NOG: variants seen among roughly 807,000 people sequenced by gnomAD.
NOG encodes the protein noggin.
NOG carries 2 observed loss-of-function variants against 17.9 expected under a neutral mutation model. The observed-to-expected ratio is 0.11, with a 90% confidence interval of 0.05 to 0.35. The LOEUF (loss-of-function observed/expected upper bound fraction) is 0.35, where lower values mean the gene tolerates loss of function less well. NOG is among the 10% of genes least tolerant of loss of function. NOG has a pLI of 1.00. For synonymous variants in NOG, 166 were observed against 148.7 expected, an observed-to-expected ratio of 1.12 and a Z score of -0.85; for missense variants, 266 against 318.6, an observed-to-expected ratio of 0.83 and a Z score of 1.26.
In NOG at chr17:56,595,489, G is replaced by C. The variant is rs116716909; in HGVS notation, c.*567G>C. The C allele has an allele frequency of 0.033, 5,537 of 167,198 alleles. 318 individuals carry two copies. Among genetic ancestry groups the C allele is most frequent in the African/African-American group, 0.12 (5,145 of 41,526 alleles). 10.4% of individuals were successfully genotyped at this position (167,198 alleles called of 1,614,324 possible). A position where few individuals can be genotyped will look rare whatever the true frequency, so the allele number is the denominator to read the frequency against. On this transcript the variant is annotated 3_prime_UTR_variant, in exon 1 of 1. Transcript: ENST00000332822. ...TTATTTTACAGTTATTGTAAATATA[G>C]AGAACAAATGGAATGACTAATCATT...
At position 56,594,602 on chromosome 17, in the gene NOG, G is replaced by C. The variant is rs1328705140; in HGVS notation, c.379G>C (p.Glu127Gln). Reference protein sequence around the residue: ...PSEIKGLEFSEGLAQGKKQRL... With the variant: ...PSEIKGLEFSQGLAQGKKQRL... Reference sequence around the variant, plus strand: ...CGAGATCAAAGGGCTAGAGTTCTCCGAGGGCTTGGCCCAGGGCAAGAAGCA... The same window carrying C: ...CGAGATCAAAGGGCTAGAGTTCTCCCAGGGCTTGGCCCAGGGCAAGAAGCA... The change falls in exon 1 of 1, where the codon GAG (glutamate) becomes CAG (glutamine). Residue 127 changes from glutamate to glutamine, a missense_variant. Glu to Gln is a conservative substitution (Grantham distance 29). This residue lies in a region of NOG where 192 missense variants were observed against 197.6 expected (regional missense o/e 0.97). Coordinates refer to ENST00000332822, the MANE Select transcript of NOG (RefSeq NM_005450.6). The C allele has an allele frequency of 2.5e-6, 4 of 1,611,980 alleles. No homozygotes were observed. Among genetic ancestry groups the C allele is most frequent in the South Asian group, 1.1e-5 (1 of 90,626 alleles).
At position 56,594,186 on chromosome 17, in the gene NOG, G is replaced by A; in HGVS notation, c.-38G>A. On this transcript the variant is annotated 5_prime_UTR_variant, in exon 1 of 1. Transcript: ENST00000332822. Reference sequence around the variant, plus strand: ...GCTCGGCGTGCTCTCCTCCGGGGACGCGGGACGAAGCAGCAGCCCCGGGCG... The same window carrying A: ...GCTCGGCGTGCTCTCCTCCGGGGACACGGGACGAAGCAGCAGCCCCGGGCG... The A allele has an allele frequency of 6.6e-7, 1 of 1,517,574 alleles. No homozygotes were observed. The highest frequency in any genetic ancestry group is 8.9e-7 in the Non-Finnish European group (1 of 1,127,050). 94.0% of individuals were successfully genotyped at this position (1,517,574 alleles called of 1,614,324 possible). A position where few individuals can be genotyped will look rare whatever the true frequency, so the allele number is the denominator to read the frequency against.
chr17:56,594,881 A>G lies in NOG; in HGVS notation c.658A>G (p.Ile220Val). 3.1e-6 allele frequency: 5 copies of G among 1,601,050 alleles called. No individual in the cohort carries two copies. Among genetic ancestry groups the G allele is most frequent in the Non-Finnish European group, 4.3e-6 (5 of 1,173,834 alleles). The change falls in exon 1 of 1, where the codon ATC becomes GTC. Residue 220 changes from isoleucine (I) to valine (V), a missense_variant. By Grantham distance (29) the Ile-to-Val change is conservative. Transcript: ENST00000332822. Reference sequence around the variant, plus strand: ...GGGCCAGCGCTGCGGCTGGATTCCCATCCAGTACCCCATCATTTCCGAGTG... The same window carrying G: ...GGGCCAGCGCTGCGGCTGGATTCCCGTCCAGTACCCCATCATTTCCGAGTG... ...RGGQRCGWIP[I>V]QYPIISECKC...
rs1357240545 is a variant in NOG at position 56,594,703 on chromosome 17, G to A, written c.480G>A (p.Ala160=). 6.2e-7 allele frequency: 1 copy of A among 1,613,890 alleles called. No individual in the cohort carries two copies. Among genetic ancestry groups the A allele is most frequent in the Non-Finnish European group, 8.5e-7 (1 of 1,179,940 alleles). ...AGACATTCTGCCCCGTGCTGTACGC[G>A]TGGAACGACCTGGGCAGCCGCTTTT... ...WSQTFCPVLY[A]WNDLGSRFWP... Residue 160 remains alanine (A), a synonymous_variant, in exon 1 of 1, where the codon GCG becomes GCA. Transcript: ENST00000332822.
rs749247710 is a variant in NOG, at chr17:56,594,469, G to GC, written c.252dup (p.Glu85ArgfsTer97). The GC allele has an allele frequency of 6.2e-7, 1 of 1,612,158 alleles. No individual in the cohort carries two copies. ...ACGACCCAGGCTTCATGGCCACCTC[G>GC]CCCCCCGAGGACCGGCCCGGCGGGG... On this transcript the variant is annotated frameshift_variant, in exon 1 of 1. Transcript: ENST00000332822. LOFTEE classifies it high-confidence loss of function.
In NOG at chr17:56,593,749, C is replaced by T. The variant is rs1181977678; in HGVS notation, c.-475C>T. 3 of 181,772 alleles carry T rather than the reference C, an allele frequency of 1.7e-5. No individual in the cohort carries two copies. The highest frequency in any genetic ancestry group is 1.8e-4 in the East Asian group (1 of 5,626). The allele number at this position is 181,772 out of a possible 1,614,324, so 11.3% of individuals were successfully genotyped here. A position where few individuals can be genotyped will look rare whatever the true frequency, so the allele number is the denominator to read the frequency against. On this transcript the variant is annotated 5_prime_UTR_variant, in exon 1 of 1. Transcript: ENST00000332822. The stretch of plus-strand genomic sequence containing the variant: ...CCGCCGCCGCCGCCGCCGCTGGAGT[C>T]CGCCGGGCAGAGCCGGCCGCGGAGC...
Position 56,594,779 on chromosome 17 carries a change from G to A in NOG, c.556G>A (p.Val186Met). The change falls in exon 1 of 1, where the codon GTG becomes ATG. Residue 186 changes from valine (V) to methionine (M), a missense_variant. By Grantham distance (21) the Val-to-Met change is conservative (BLOSUM62 1). This residue lies in a region of NOG where 74 missense variants were observed against 121.0 expected (regional missense o/e 0.61). Coordinates refer to ENST00000332822, the MANE Select transcript of NOG (RefSeq NM_005450.6). ...GSCFSKRSCS[V>M]PEGMVCKPSK... ...CTGCTTCAGTAAGCGCTCGTGCTCC[G>A]TGCCCGAGGGCATGGTGTGCAAGCC... 4.3e-6 allele frequency: 7 copies of A among 1,613,120 alleles called. No homozygotes were observed. Among genetic ancestry groups the A allele is most frequent in the Non-Finnish European group, 5.1e-6 (6 of 1,179,368 alleles).
At position 56,593,941 on chromosome 17, in the gene NOG, C is replaced by G; in HGVS notation, c.-283C>G. On this transcript the variant is annotated 5_prime_UTR_variant, in exon 1 of 1. Transcript: ENST00000332822. ...GCGAGGAGCCGGCGCCTCCCGCGCC[C>G]CGCGGTCGCCCTGGAGTAATTTCGG... The G allele has an allele frequency of 2.6e-6, 1 of 384,574 alleles. No individual in the cohort carries two copies. The highest frequency in any genetic ancestry group is 4.6e-6 in the Non-Finnish European group (1 of 217,086). 23.8% of individuals were successfully genotyped at this position (384,574 alleles called of 1,614,324 possible). A position where few individuals can be genotyped will look rare whatever the true frequency, so the allele number is the denominator to read the frequency against.
Position 56,594,865 on chromosome 17 carries a change from C to G in NOG, c.642C>G (p.Arg214=). 6.2e-7 allele frequency: 1 copy of G among 1,606,134 alleles called. No individual in the cohort carries two copies. ...RWRCQRRGGQ[R]CGWIPIQYPI... ...GCTGTCAGCGGCGCGGGGGCCAGCG[C>G]TGCGGCTGGATTCCCATCCAGTACC... Residue 214 remains arginine, a synonymous_variant, in exon 1 of 1, where the codon CGC becomes CGG. Transcript: ENST00000332822.
chr17:56,594,766 G>A lies in NOG; in HGVS notation c.543G>A (p.Lys181=). The A allele has an allele frequency of 6.2e-7, 1 of 1,613,734 alleles. No homozygotes were observed. The highest frequency in any genetic ancestry group is 8.5e-7 in the Non-Finnish European group (1 of 1,179,762). The change falls in exon 1 of 1, where the codon AAG becomes AAA. Residue 181 remains lysine, a synonymous_variant. Coordinates refer to ENST00000332822, the MANE Select transcript of NOG (RefSeq NM_005450.6). ...RYVKVGSCFS[K]RSCSVPEGMV... is the part of the protein sequence containing the mutation. ...TGAAGGTGGGCAGCTGCTTCAGTAA[G>A]CGCTCGTGCTCCGTGCCCGAGGGCA...
rs898858582 is a variant in NOG, at chr17:56,595,256, G to A, written c.*334G>A. On this transcript the variant is annotated 3_prime_UTR_variant, in exon 1 of 1. Coordinates refer to ENST00000332822, the MANE Select transcript of NOG (RefSeq NM_005450.6). ...AAAAAAAAAGAACAGAGAAAAGAGA[G>A]ACTTATTCTGGTTGTTGCTAATAAT... The A allele has an allele frequency of 4.8e-6, 1 of 208,802 alleles. No homozygotes were observed. Among genetic ancestry groups the A allele is most frequent in the Non-Finnish European group, 1.0e-5 (1 of 96,662 alleles). The allele number at this position is 208,802 out of a possible 1,614,324, so 12.9% of individuals were successfully genotyped here. A position where few individuals can be genotyped will look rare whatever the true frequency, so the allele number is the denominator to read the frequency against.
At position 56,594,256 on chromosome 17, in the gene NOG, C is replaced by G; in HGVS notation, c.33C>G (p.Leu11=). The change falls in exon 1 of 1, where the codon CTC becomes CTG. Residue 11 remains leucine (L), a synonymous_variant. Coordinates refer to ENST00000332822, the MANE Select transcript of NOG (RefSeq NM_005450.6). ...GCTGCCCCAGCCTAGGGGTCACCCT[C>G]TACGCCCTGGTGGTGGTCCTGGGGC... The part of the protein sequence containing the change: MERCPSLGVT[L]YALVVVLGLR... 6.2e-7 allele frequency: 1 copy of G among 1,606,662 alleles called. No homozygotes were observed. The highest frequency in any genetic ancestry group is 8.5e-7 in the Non-Finnish European group (1 of 1,177,040).
chr17:56,594,392 A>G lies in NOG; in HGVS notation c.169A>G (p.Lys57Glu). 1.2e-6 allele frequency: 2 copies of G among 1,613,202 alleles called. No individual in the cohort carries two copies. The highest frequency in any genetic ancestry group is 1.7e-6 in the Non-Finnish European group (2 of 1,179,736). ...IEHPDPIFDP[K>E]EKDLNETLLR... is the part of the protein sequence containing the mutation. ...ACACCCAGACCCTATCTTTGACCCC[A>G]AGGAAAAGGATCTGAACGAGACGCT... Residue 57 changes from lysine to glutamate, a missense_variant, in exon 1 of 1, where the codon AAG (lysine) becomes GAG (glutamate). By Grantham distance (56) the Lys-to-Glu change is moderately conservative (BLOSUM62 1). This residue lies in a region of NOG where 192 missense variants were observed against 197.6 expected (regional missense o/e 0.97). Coordinates refer to ENST00000332822, the MANE Select transcript of NOG (RefSeq NM_005450.6).
Position 56,595,191 on chromosome 17 carries a change from C to T in NOG, c.*269C>T, listed in dbSNP as rs1471538688. The stretch of plus-strand genomic sequence containing the variant: ...GGTCAGTATTATACGTTAAAAGTTA[C>T]CGGCTTCTACTGTATTTTTAAAAAA... On this transcript the variant is annotated 3_prime_UTR_variant, in exon 1 of 1. Transcript: ENST00000332822. 6.0e-6 allele frequency: 2 copies of T among 331,664 alleles called. No individual in the cohort carries two copies. The highest frequency in any genetic ancestry group is 9.8e-5 in the Admixed American group (2 of 20,398). 20.5% of individuals were successfully genotyped at this position (331,664 alleles called of 1,614,324 possible).
chr17:56,593,958 T>G lies in NOG; in HGVS notation c.-266T>G. 4.9e-6 allele frequency: 2 copies of G among 406,858 alleles called. No homozygotes were observed. The highest frequency in any genetic ancestry group is 8.6e-6 in the Non-Finnish European group (2 of 231,388). The allele number at this position is 406,858 out of a possible 1,614,324, so 25.2% of individuals were successfully genotyped here. ...CCCGCGCCCCGCGGTCGCCCTGGAG[T>G]AATTTCGGATGCCCAGCCGCGGCCG... On this transcript the variant is annotated 5_prime_UTR_variant, in exon 1 of 1. Coordinates refer to ENST00000332822, the MANE Select transcript of NOG (RefSeq NM_005450.6).
rs540767778 is a variant in NOG at position 56,594,005 on chromosome 17, G to A, written c.-219G>A. On this transcript the variant is annotated 5_prime_UTR_variant, in exon 1 of 1. Transcript: ENST00000332822. ...GCCGCCTTCCCCAGTAGACCCGGGAGAGGAGTTGCGGCCAACTTGTGTGCC... is the reference window on the plus strand; with the variant it reads ...GCCGCCTTCCCCAGTAGACCCGGGAAAGGAGTTGCGGCCAACTTGTGTGCC... The A allele has an allele frequency of 4.8e-5, 22 of 458,828 alleles. No homozygotes were observed. In the South Asian group the frequency reaches 9.6e-4, roughly 20 times the overall value. 28.4% of individuals were successfully genotyped at this position (458,828 alleles called of 1,614,324 possible). A position where few individuals can be genotyped will look rare whatever the true frequency, so the allele number is the denominator to read the frequency against.
Position 56,594,700 on chromosome 17 carries a change from C to T in NOG, c.477C>T (p.Tyr159=), listed in dbSNP as rs777444621. 2 of 1,613,756 alleles carry T rather than the reference C, an allele frequency of 1.2e-6. No individual in the cohort carries two copies. The highest frequency in any genetic ancestry group is 1.7e-6 in the Non-Finnish European group (2 of 1,179,934). ...LWSQTFCPVL[Y]AWNDLGSRFW... The stretch of plus-strand genomic sequence containing the variant: ...CGCAGACATTCTGCCCCGTGCTGTA[C>T]GCGTGGAACGACCTGGGCAGCCGCT... The change falls in exon 1 of 1, where the codon TAC becomes TAT. Residue 159 remains tyrosine (Y), a synonymous_variant. Transcript: ENST00000332822.
chr17:56,594,577 C>A lies in NOG; in HGVS notation c.354C>A (p.Ser118Arg). ...LRQRPSGAMP[S>R]EIKGLEFSEG... Reference sequence around the variant, plus strand: ...AGCGGCCGTCGGGGGCCATGCCGAGCGAGATCAAAGGGCTAGAGTTCTCCG... The same window carrying A: ...AGCGGCCGTCGGGGGCCATGCCGAGAGAGATCAAAGGGCTAGAGTTCTCCG... The change falls in exon 1 of 1, where the codon AGC (serine) becomes AGA (arginine). Residue 118 changes from serine (S) to arginine (R), a missense_variant. Ser to Arg is a moderately radical substitution (Grantham distance 110). Coordinates refer to ENST00000332822, the MANE Select transcript of NOG (RefSeq NM_005450.6). The A allele has an allele frequency of 1.9e-6, 3 of 1,602,032 alleles. No homozygotes were observed. Among genetic ancestry groups the A allele is most frequent in the African/African-American group, 2.7e-5 (2 of 74,816 alleles).
In NOG at chr17:56,594,835, G is replaced by A; in HGVS notation, c.612G>A (p.Arg204=). 6.2e-7 allele frequency: 1 copy of A among 1,611,794 alleles called. No individual in the cohort carries two copies. The highest frequency in any genetic ancestry group is 1.7e-4 in the Middle Eastern group (1 of 6,052). The change falls in exon 1 of 1, where the codon CGG becomes CGA. Residue 204 remains arginine, a synonymous_variant. Coordinates refer to ENST00000332822, the MANE Select transcript of NOG (RefSeq NM_005450.6). The part of the protein sequence containing the change: ...PSKSVHLTVL[R]WRCQRRGGQR... ...AGTCCGTGCACCTCACGGTGCTGCG[G>A]TGGCGCTGTCAGCGGCGCGGGGGCC...
Sources: gnomAD v4.1 joint callset for allele counts on GRCh38, gnomAD v4.1.1 for gene constraint, gnomAD v4.1.1 regional missense constraint, MANE v1.5 for transcripts, NCBI Gene and HGNC (gene_info 2026-07-23, HGNC 2026-07-21) for gene names.